The following SUGCT variants were observed in gnomAD, a reference collection of about 807,000 sequenced individuals.
SUGCT encodes the protein succinyl-CoA:glutarate-CoA transferase.
A neutral mutation model predicts 55.0 loss-of-function variants in SUGCT; 41 were observed. That is an observed-to-expected ratio of 0.74 (90% CI 0.58 to 0.97). The LOEUF is 0.97. SUGCT is among the 50% of genes least tolerant of loss of function. The pLI, the probability that SUGCT is intolerant of heterozygous loss-of-function variation, is 0.00. For synonymous variants in SUGCT, 187 were observed against 200.4 expected, an observed-to-expected ratio of 0.93 and a Z score of 0.56; for missense variants, 568 against 547.8, an observed-to-expected ratio of 1.04 and a Z score of -0.37.
At chr7:40,930,636 C>CA in the SUGCT span, among the ~76,000 whole-genome samples, 1 of 152,174 alleles carries the variant, frequency 6.6e-6, no homozygotes, top group Non-Finnish European at 1.5e-5. Context: ...AGGTCCTTCA[C>CA]ATCCCTTGTA....
At chr7:40,819,872 T>C (rs1412899157) in intron 13 of SUGCT, among the ~76,000 whole-genome samples, 1 of 152,226 alleles carries the variant, frequency 6.6e-6, no homozygotes, top group Non-Finnish European at 1.5e-5. Flanking sequence ...GGTTTTCTTC[T>C]AGGGTTTTTA....
At chr7:40,345,319 C>T (rs1045705063) in intron 9 of SUGCT, among the ~76,000 whole-genome samples, 1 of 152,162 alleles carries the variant, frequency 6.6e-6, no homozygotes, top group African/African-American at 2.4e-5. Context: ...TGTCCTAAAT[C>T]TGGTGTTGTC....
intron 12 of SUGCT, among the ~76,000 whole-genome samples, chr7:40,584,825 C>T (rs1173572676): frequency 3.9e-5 from 6 of 152,138 alleles, no homozygotes; most frequent in Non-Finnish European, 8.8e-5. Flanking sequence ...TTATAGCTGC[C>T]TTGGGAGTGA....
chr7:40,136,480 T>C (rs374429150), intron 1 of SUGCT, among the ~76,000 whole-genome samples: 1 of 152,230 alleles, frequency 6.6e-6, no homozygotes, highest in East Asian at 1.9e-4. Flanking sequence ...CCTTGATGAA[T>C]GGAGACACAC....
At chr7:40,681,753 T>G (rs1784255467) in intron 12 of SUGCT, among the ~76,000 whole-genome samples, 2 of 152,204 alleles carry the variant, frequency 1.3e-5, no homozygotes, top group Non-Finnish European at 2.9e-5. Context: ...CAGAGGTGGA[T>G]TCAAAGCTTT....
chr7:40,352,905 T>A (rs1446873554), intron 9 of SUGCT, among the ~76,000 whole-genome samples: 1 of 152,208 alleles, frequency 6.6e-6, no homozygotes, highest in Non-Finnish European at 1.5e-5. Flanking sequence ...ACAGTATAAG[T>A]GTTCCCTTTT....
intron 1 of SUGCT, among the ~76,000 whole-genome samples, chr7:40,177,303 T>G (rs1209577559): frequency 6.6e-6 from 1 of 152,112 alleles, no homozygotes; most frequent in Non-Finnish European, 1.5e-5. Flanking sequence ...GATAAGGCAC[T>G]AGCTGTTTCT....
chr7:40,309,460 A>G (rs1410636358), intron 8 of SUGCT, among the ~76,000 whole-genome samples: 1 of 152,074 alleles, frequency 6.6e-6, no homozygotes, highest in Non-Finnish European at 1.5e-5. Flanking sequence ...ATGCCCAGCT[A>G]ATTTTTGTAT....
intron 6 of SUGCT, chr7:40,217,519 TGAA>T (rs776400396): frequency 2.5e-6 from 1 of 398,674 alleles, no homozygotes; most frequent in Non-Finnish European, 5.1e-6. Flanking sequence ...GCCAACTTCC[TGAA>T]TTATCGTTGT....
At chr7:40,788,756 G>A (rs1174140669) in intron 13 of SUGCT, among the ~76,000 whole-genome samples, 1 of 152,154 alleles carries the variant, frequency 6.6e-6, no homozygotes, top group Non-Finnish European at 1.5e-5. Context: ...GCCTCCCCTG[G>A]GCAATGAGGG....
chr7:40,224,507 C>G (rs1021288390), intron 6 of SUGCT, among the ~76,000 whole-genome samples: 1 of 151,624 alleles, frequency 6.6e-6, no homozygotes, highest in Non-Finnish European at 1.5e-5. Context: ...TTGACATGGT[C>G]ATCAGAGCCT....
At chr7:40,481,355 TTA>T (rs1445015444) in intron 11 of SUGCT, among the ~76,000 whole-genome samples, 1 of 150,292 alleles carries the variant, frequency 6.7e-6, no homozygotes, top group South Asian at 2.1e-4. Flanking sequence ...GATATATATA[TTA>T]TATATATATA....
chr7:40,324,158 A>C (rs546125506), intron 9 of SUGCT, among the ~76,000 whole-genome samples: 1 of 151,270 alleles, frequency 6.6e-6, no homozygotes, highest in East Asian at 1.9e-4. Flanking sequence ...TATTTTGCCT[A>C]AGGGCATTGC....
the SUGCT span, among the ~76,000 whole-genome samples, chr7:40,903,987 GC>G: frequency 6.6e-6 from 1 of 152,156 alleles, no homozygotes; most frequent in Admixed American, 6.5e-5. Flanking sequence ...GATGGCCGCT[GC>G]CCAAGCTTGG....
intron 12 of SUGCT, among the ~76,000 whole-genome samples, chr7:40,666,355 A>AAGG (rs1801630722): frequency 1.6e-5 from 2 of 121,812 alleles, no homozygotes; most frequent in African/African-American, 7.7e-5. Flanking sequence ...CTCAAGAAAG[A>AAGG]AAGGAAGGAA....
At chr7:40,409,169 G>A (rs1786534156) in intron 9 of SUGCT, among the ~76,000 whole-genome samples, 1 of 152,132 alleles carries the variant, frequency 6.6e-6, no homozygotes, top group Non-Finnish European at 1.5e-5. Flanking sequence ...TGCCCAGGCT[G>A]GTCTCAAACT....
At chr7:40,727,908 T>C (rs901834212) in intron 12 of SUGCT, among the ~76,000 whole-genome samples, 2 of 152,218 alleles carry the variant, frequency 1.3e-5, no homozygotes, top group African/African-American at 4.8e-5. Flanking sequence ...TTTGTGAACA[T>C]AATTTTACTA....
At chr7:40,383,905 T>TC (rs1473998355) in intron 9 of SUGCT, among the ~76,000 whole-genome samples, 1 of 152,014 alleles carries the variant, frequency 6.6e-6, no homozygotes, top group Non-Finnish European at 1.5e-5. Context: ...GTAATATGCT[T>TC]CCCCCTGCAC....
chr7:40,402,323 G>A (rs1247520908), intron 9 of SUGCT, among the ~76,000 whole-genome samples: 1 of 152,046 alleles, frequency 6.6e-6, no homozygotes, highest in Non-Finnish European at 1.5e-5. Context: ...CAAGATGAGT[G>A]AACAGGGAAA....
Sources: allele counts gnomAD v4.1 joint callset (sites outside exome capture counted in the v4.1 genomes callset), GRCh38; gene constraint gnomAD v4.1.1; transcripts MANE v1.5; gene names NCBI Gene and HGNC (gene_info 2026-07-23, HGNC 2026-07-21).